Variants in RSRC1 observed in about 807,000 individuals in gnomAD.
The protein encoded by RSRC1 is serine/Arginine-related protein 53.
RSRC1 carries 39 observed loss-of-function variants against 49.1 expected under a neutral mutation model. The ratio of observed to expected loss-of-function variants is 0.79; its 90% CI spans 0.61 to 1.04. RSRC1 has a LOEUF of 1.04. Among genes scored for constraint, RSRC1 ranks in the 50% least tolerant of loss-of-function variants. RSRC1 has a pLI of 0.00. For missense variants in RSRC1, 388 were observed against 402.4 expected, an observed-to-expected ratio of 0.96 and a Z score of 0.31; for synonymous variants, 143 against 130.8, an observed-to-expected ratio of 1.09 and a Z score of -0.63.
At chr3:158,370,658 G>A (rs1245584785) in intron 6 of RSRC1, among the ~76,000 whole-genome samples, 1 of 151,634 alleles carries the variant, frequency 6.6e-6, no homozygotes, top group African/African-American at 2.4e-5. Flanking sequence ...AGCAGTTGGT[G>A]GACACAAATA....
intron 7 of RSRC1, among the ~76,000 whole-genome samples, chr3:158,523,152 G>A (rs57706715): frequency 0.024 from 3,721 of 152,072 alleles, 166 homozygotes; most frequent in African/African-American, 0.085. Context: ...TTTTTTAAGT[G>A]TTGTACCTAG....
intron 6 of RSRC1, among the ~76,000 whole-genome samples, chr3:158,388,800 G>A (rs1360757873): frequency 6.6e-6 from 1 of 151,926 alleles, no homozygotes; most frequent in Non-Finnish European, 1.5e-5. Flanking sequence ...TAGTAGAGAT[G>A]GGGTTTCACC....
intron 6 of RSRC1, among the ~76,000 whole-genome samples, chr3:158,447,039 G>C (rs1272027244): frequency 6.6e-6 from 1 of 151,970 alleles, no homozygotes; most frequent in Non-Finnish European, 1.5e-5. Flanking sequence ...CCAACTAGTA[G>C]GGCCATGATA....
intron 6 of RSRC1, among the ~76,000 whole-genome samples, chr3:158,417,741 T>C (rs1282765876): frequency 6.6e-6 from 1 of 151,068 alleles, no homozygotes; most frequent in Admixed American, 6.6e-5. Context: ...GATTTATTAA[T>C]CAGTTCTTAT....
intron 7 of RSRC1, among the ~76,000 whole-genome samples, chr3:158,514,296 C>G (rs1330826636): frequency 1.3e-5 from 2 of 152,132 alleles, no homozygotes; most frequent in Non-Finnish European, 2.9e-5. Flanking sequence ...GAATGTGTCC[C>G]AAAGATTGTG....
intron 6 of RSRC1, among the ~76,000 whole-genome samples, chr3:158,373,115 G>A (rs1048421713): frequency 6.6e-6 from 1 of 151,380 alleles, no homozygotes; most frequent in African/African-American, 2.4e-5. Context: ...TTTCTTTTTT[G>A]GCTTTTTAAA....
At chr3:158,398,093 GAA>G (rs1308637188) in intron 6 of RSRC1, among the ~76,000 whole-genome samples, 1 of 152,026 alleles carries the variant, frequency 6.6e-6, no homozygotes, top group East Asian at 1.9e-4. Context: ...ATGGGAGAGA[GAA>G]AGGGTAGAGG....
chr3:158,335,181 T>A (rs944844907), intron 5 of RSRC1, among the ~76,000 whole-genome samples: 2 of 152,232 alleles, frequency 1.3e-5, no homozygotes, highest in African/African-American at 4.8e-5. Context: ...GTAGCATTTT[T>A]AATAAAGATT....
At chr3:158,257,319 A>T (rs947857081) in intron 4 of RSRC1, among the ~76,000 whole-genome samples, 1 of 151,794 alleles carries the variant, frequency 6.6e-6, no homozygotes, top group African/African-American at 2.4e-5. Flanking sequence ...TTCTGCCTTC[A>T]TTTTATTATT....
intron 7 of RSRC1, among the ~76,000 whole-genome samples, chr3:158,518,148 A>ATATATATATTTTTTTTTTTT (rs1310027981): frequency 2.3e-5 from 1 of 44,138 alleles, no homozygotes; most frequent in African/African-American, 1.5e-4. Flanking sequence ...ATATATATAT[A>ATATATATATTTTTTTTTTTT]TTTTTTTTTT....
intron 7 of RSRC1, among the ~76,000 whole-genome samples, chr3:158,487,978 G>A (rs1251941901): frequency 1.0e-3 from 52 of 50,940 alleles, no homozygotes; most frequent in Non-Finnish European, 1.7e-3. Context: ...AAAAAAACTG[G>A]CTGAATGGGT....
rs537306098 is a variant in RSRC1, at chr3:158,525,675, A to G, written c.653-11417A>G. Among the ~76,000 whole-genome samples the G allele has an allele frequency of 7.9e-5, 12 of 152,134 alleles. 1 individual carries two copies. The South Asian group carries it at 2.5e-3, about 31-fold the overall frequency. Reference sequence around the variant, plus strand: ...AACCCAAATGTTCATCTGCAGGTGAATAGATTTTAAAAATTGCAGATATTC... The same window carrying G: ...AACCCAAATGTTCATCTGCAGGTGAGTAGATTTTAAAAATTGCAGATATTC... On this transcript the variant is annotated intron_variant, in intron 7 of 9. Transcript: ENST00000611884.
At chr3:158,298,699 C>T (rs1262059649) in intron 5 of RSRC1, among the ~76,000 whole-genome samples, 1 of 152,058 alleles carries the variant, frequency 6.6e-6, no homozygotes, top group Non-Finnish European at 1.5e-5. Flanking sequence ...ATTCATTGAG[C>T]CCACTGTATT....
intron 4 of RSRC1, 61 bp from the exon 5 acceptor site, chr3:158,297,978 A>G (rs1354532410): frequency 2.5e-6 from 3 of 1,218,778 alleles, no homozygotes; most frequent in African/African-American, 3.0e-5. Flanking sequence ...TTTTTGAGGT[A>G]AACAAATTAG....
chr3:158,447,228 C>T (rs993871569), intron 6 of RSRC1, among the ~76,000 whole-genome samples: 18 of 151,942 alleles, frequency 1.2e-4, no homozygotes, highest in Non-Finnish European at 4.4e-5. Context: ...TATTATAACA[C>T]TGATAGCAAG....
At chr3:158,517,040 C>G (rs1421777993) in intron 7 of RSRC1, among the ~76,000 whole-genome samples, 3 of 152,212 alleles carry the variant, frequency 2.0e-5, no homozygotes, top group Non-Finnish European at 2.9e-5. Context: ...GATGGAAATG[C>G]AGAAATCACC....
At chr3:158,374,445 G>T (rs1006129746) in intron 6 of RSRC1, among the ~76,000 whole-genome samples, 7 of 152,020 alleles carry the variant, frequency 4.6e-5, no homozygotes, top group African/African-American at 7.2e-5. Context: ...TTCATAAATT[G>T]GAAAGGAAAA....
intron 7 of RSRC1, among the ~76,000 whole-genome samples, chr3:158,492,408 T>C (rs575116412): frequency 6.6e-6 from 1 of 152,318 alleles, no homozygotes; most frequent in South Asian, 2.1e-4. Context: ...AGTACTCCCA[T>C]TATAAGATTA....
chr3:158,123,325 A>G (rs1011922384), intron 2 of RSRC1, among the ~76,000 whole-genome samples: 4 of 151,996 alleles, frequency 2.6e-5, no homozygotes, highest in Non-Finnish European at 5.9e-5. Flanking sequence ...AAATTTTTTT[A>G]GAGACAAGAT....
Sources: allele counts gnomAD v4.1 joint callset (sites outside exome capture counted in the v4.1 genomes callset), GRCh38; gene constraint gnomAD v4.1.1; transcripts MANE v1.5; gene names NCBI Gene and HGNC (gene_info 2026-07-23, HGNC 2026-07-21).